The following CPD variants were observed in gnomAD, a reference collection of about 807,000 sequenced individuals.
The protein encoded by CPD is metallocarboxypeptidase D.
In CPD, 69 loss-of-function variants were observed where a neutral mutation model predicts 138.3. The observed-to-expected ratio is 0.50, with a 90% CI of 0.41 to 0.61. The LOEUF (loss-of-function observed/expected upper bound fraction) is 0.61, where lower values mean the gene tolerates loss of function less well. CPD is among the 20% of genes least tolerant of loss of function. The probability of loss-of-function intolerance (pLI) is 0.00; values close to 1 mark genes in which losing one functional copy is unlikely to be tolerated. For synonymous variants in CPD, 651 were observed against 642.1 expected, an observed-to-expected ratio of 1.01 and a Z score of -0.21; for missense variants, 1,432 against 1,733.3, an observed-to-expected ratio of 0.83 and a Z score of 3.09.
At chr17:30,423,798 A>G (rs1376706127) in intron 6 of CPD, 101 bp downstream of exon 6, 7 of 914,842 alleles carry the variant, frequency 7.7e-6, no homozygotes, top group Middle Eastern at 2.4e-4. Flanking sequence ...ATTTCTTCCA[A>G]TTTTTTTTCC....
chr17:30,444,835 T>C (rs866142501), intron 11 of CPD, among the ~76,000 whole-genome samples: 2 of 152,290 alleles, frequency 1.3e-5, no homozygotes, highest in South Asian at 4.1e-4. Flanking sequence ...CCCATTGAAG[T>C]AAGGGTAAAA....
intron 6 of CPD, 32 bp downstream of exon 6, chr17:30,423,729 G>C: frequency 2.1e-6 from 3 of 1,403,752 alleles, no homozygotes; most frequent in Non-Finnish European, 2.9e-6. Context: ...TTAATCATTT[G>C]ATCATCATAT....
At chr17:30,402,368 C>A (rs1003878255) in intron 2 of CPD, among the ~76,000 whole-genome samples, 1 of 152,136 alleles carries the variant, frequency 6.6e-6, no homozygotes, top group Non-Finnish European at 1.5e-5. Context: ...GAGTTTGAGA[C>A]CAGCCTGGCC....
chr17:30,412,301 G>A (rs895293511), intron 2 of CPD, among the ~76,000 whole-genome samples: 4 of 152,192 alleles, frequency 2.6e-5, no homozygotes, highest in Non-Finnish European at 5.9e-5. Flanking sequence ...GCCCCTACTG[G>A]GAGGTGTCTC....
In CPD at chr17:30,379,304, T is replaced by A; in HGVS notation, c.324T>A (p.Pro108=). ...RLTAGLGSLI[P]EGDAGPDAAG... is the part of the protein sequence containing the mutation. ...CCGCCGGCCTGGGGTCGCTAATCCC[T>A]GAGGGCGACGCGGGGCCTGACGCTG... Residue 108 remains proline (P), a synonymous_variant, in exon 1 of 21, where the codon CCT becomes CCA. Coordinates refer to ENST00000225719, the MANE Select transcript of CPD (RefSeq NM_001304.5). This position sits in a 1 kb window ranked among gnomAD's most constrained non-coding sequence, Gnocchi z 7.0. The A allele has an allele frequency of 6.7e-7, 1 of 1,502,090 alleles. No homozygotes were observed. Among genetic ancestry groups the A allele is most frequent in the Non-Finnish European group, 8.8e-7 (1 of 1,132,612 alleles). 93.0% of individuals were successfully genotyped at this position (1,502,090 alleles called of 1,614,324 possible).
intron 10 of CPD, 84 bp from the exon 11 acceptor site, chr17:30,443,718 A>G (rs1912940647): frequency 3.1e-6 from 4 of 1,295,334 alleles, no homozygotes; most frequent in Non-Finnish European, 3.2e-6. Flanking sequence ...TGTGTTGACA[A>G]TCTGTTATTT....
At chr17:30,413,427 G>A (rs1442714031) in intron 2 of CPD, among the ~76,000 whole-genome samples, 2 of 152,192 alleles carry the variant, frequency 1.3e-5, no homozygotes, top group Non-Finnish European at 2.9e-5. Context: ...GGTTAAGACC[G>A]AGTTACTAGG....
At chr17:30,454,109 A>C (rs1253867964) in intron 14 of CPD, 1 of 152,234 alleles carries the variant, frequency 6.6e-6, no homozygotes, top group Non-Finnish European at 1.5e-5. Flanking sequence ...GATTAACATT[A>C]GGCTCCTGGC....
chr17:30,469,258 A>G lies in CPD; in HGVS notation c.*4444A>G, dbSNP rs1041351824. The G allele has an allele frequency of 2.6e-5, 4 of 152,226 alleles. No individual in the cohort carries two copies. Among genetic ancestry groups the G allele is most frequent in the African/African-American group, 7.2e-5 (3 of 41,468 alleles). The allele number at this position is 152,226 out of a possible 1,614,324, so 9.4% of individuals were successfully genotyped here. ...TATTTCAATAGTGATTGGTTCATCT[A>G]AAAGTCTCTGCTGTAAAGGAAATAA... On this transcript the variant is annotated 3_prime_UTR_variant, in exon 21 of 21. Coordinates refer to ENST00000225719, the MANE Select transcript of CPD (RefSeq NM_001304.5).
In CPD at chr17:30,422,963, G is replaced by A. The variant is rs1330316336; in HGVS notation, c.1597G>A (p.Val533Ile). Reference sequence around the variant, plus strand: ...CCGGCTTTATTCCTTGGGAAAATCAGTAGAGTCAAGAGAACTTTATGTGAT... The same window carrying A: ...CCGGCTTTATTCCTTGGGAAAATCAATAGAGTCAAGAGAACTTTATGTGAT... ...ITRLYSLGKS[V>I]ESRELYVMEI... The change falls in exon 5 of 21, where the codon GTA becomes ATA. Residue 533 changes from valine (V) to isoleucine (I), a missense_variant. By Grantham distance (29) the Val-to-Ile change is conservative (BLOSUM62 3). Coordinates refer to ENST00000225719, the MANE Select transcript of CPD (RefSeq NM_001304.5). 6.2e-7 allele frequency: 1 copy of A among 1,614,034 alleles called. No homozygotes were observed. Among genetic ancestry groups the A allele is most frequent in the Non-Finnish European group, 8.5e-7 (1 of 1,179,934 alleles).
chr17:30,462,413 T>G lies in CPD; in HGVS notation c.3860T>G (p.Phe1287Cys). The G allele has an allele frequency of 6.2e-7, 1 of 1,614,022 alleles. No individual in the cohort carries two copies. The highest frequency in any genetic ancestry group is 8.5e-7 in the Non-Finnish European group (1 of 1,179,918). ...GCAGCTAGTTCTGTGGTGATAGTCT[T>G]TGACACAGATAACCGGATATTTGGT... ...HDAASSVVIVFDTDNRIFGLP... is the reference protein window; with the variant it reads ...HDAASSVVIVCDTDNRIFGLP... Residue 1287 changes from phenylalanine to cysteine, a missense_variant, in exon 20 of 21, where the codon TTT becomes TGT. Phe to Cys is a radical substitution (Grantham distance 205, BLOSUM62 -2). This residue lies in a region of CPD where 366 missense variants were observed against 518.8 expected (regional missense o/e 0.71). Transcript: ENST00000225719.
chr17:30,427,815 T>C lies in CPD; in HGVS notation c.2017+257T>C, dbSNP rs1851753678. ...CCCATCTCTTCTCTCCACCCCTTTC[T>C]CCTCTCTTTTCTCACCTACTACTTC... On this transcript the variant is annotated intron_variant, in intron 7 of 20. Coordinates refer to ENST00000225719, the MANE Select transcript of CPD (RefSeq NM_001304.5). Among the ~76,000 whole-genome samples the C allele has an allele frequency of 3.3e-5, 5 of 150,694 alleles. No homozygotes were observed. In the South Asian group the frequency reaches 8.5e-4, roughly 26 times the overall value.
intron 2 of CPD, among the ~76,000 whole-genome samples, chr17:30,412,108 C>G (rs1242449894): frequency 1.3e-5 from 2 of 152,226 alleles, no homozygotes; most frequent in African/African-American, 4.8e-5. Flanking sequence ...TTCCTTCTAA[C>G]AGGCCCCTCA....
chr17:30,421,567 T>G (rs1047388473), intron 3 of CPD, 97 bp from the exon 4 acceptor site: 2 of 1,049,592 alleles, frequency 1.9e-6, no homozygotes, highest in Non-Finnish European at 2.9e-6. Context: ...GAAGAGTCAC[T>G]TTATTTTTTA....
chr17:30,452,851 A>G (rs1695874991), intron 14 of CPD, among the ~76,000 whole-genome samples: 1 of 151,948 alleles, frequency 6.6e-6, no homozygotes, highest in Non-Finnish European at 1.5e-5. Flanking sequence ...TTTCACAATC[A>G]TGCTGCAGGA....
chr17:30,413,024 G>A (rs1358230766), intron 2 of CPD, among the ~76,000 whole-genome samples: 1 of 152,178 alleles, frequency 6.6e-6, no homozygotes, highest in African/African-American at 2.4e-5. Context: ...CATCTTGGAA[G>A]TGACTGAAAT....
chr17:30,396,376 A>G (rs2143335757), intron 2 of CPD, among the ~76,000 whole-genome samples: 1 of 144,984 alleles, frequency 6.9e-6, no homozygotes, highest in Middle Eastern at 3.5e-3. Context: ...AGAGGCAAGT[A>G]AAAAAAAAAA....
At chr17:30,401,235 T>C (rs1911651140) in intron 2 of CPD, among the ~76,000 whole-genome samples, 1 of 134,308 alleles carries the variant, frequency 7.4e-6, no homozygotes, top group African/African-American at 2.6e-5. Context: ...TTCTTCTGCT[T>C]CTGCTGCTGC....
chr17:30,444,229 A>G (rs1164585602), intron 11 of CPD: 1 of 301,478 alleles, frequency 3.3e-6, no homozygotes, highest in Non-Finnish European at 6.2e-6. Flanking sequence ...CAACCTGGAC[A>G]TTAAACAAGA....
Sources: gnomAD v4.1 joint callset for allele counts (sites outside exome capture counted in the v4.1 genomes callset) on GRCh38, gnomAD v4.1.1 for gene constraint, gnomAD v4.1.1 regional missense constraint, Gnocchi (gnomAD v3.1) non-coding constraint, MANE v1.5 for transcripts, NCBI Gene and HGNC (gene_info 2026-07-23, HGNC 2026-07-21) for gene names.